The following MYT1L variants were observed in gnomAD, a reference collection of about 807,000 sequenced individuals.
MYT1L encodes the protein myelin transcription factor 1 like, also known as myelin transcription factor 1-like protein.
A neutral mutation model predicts 126.7 loss-of-function variants in MYT1L; 12 were observed. The observed-to-expected ratio is 0.09, with a 90% CI of 0.06 to 0.15. The LOEUF (loss-of-function observed/expected upper bound fraction) is 0.15, where lower values mean the gene tolerates loss of function less well. Ranked by LOEUF, MYT1L falls within the 10% of genes least tolerant of loss-of-function variation. The pLI is 1.00. For missense variants in MYT1L, 979 were observed against 1,585.2 expected (o/e 0.62, Z 6.49); for synonymous variants, 541 against 604.2 (o/e 0.90, Z 1.53).
In MYT1L at chr2:2,315,135, T is replaced by C. The variant is rs1390236876; in HGVS notation, c.-521+15832A>G. 2.0e-5 allele frequency among the ~76,000 whole-genome samples: 3 copies of C among 152,308 alleles called. No individual in the cohort carries two copies. In the East Asian group the frequency reaches 5.8e-4, roughly 29 times the overall value. On this transcript the variant is annotated intron_variant, in intron 1 of 24. Transcript: ENST00000647738. The stretch of plus-strand genomic sequence containing the variant: ...AGAGCACACAGCACTTTTCTGTTAG[T>C]GTGTCAACTGTCCCTGAAAACTTTT...
chr2:1,815,649 C>T (rs1208160604), intron 21 of MYT1L, among the ~76,000 whole-genome samples: 2 of 152,178 alleles, frequency 1.3e-5, no homozygotes, highest in African/African-American at 4.8e-5. Context: ...GGGAGCACCC[C>T]CCTGGGTACA....
At chr2:1,799,778 A>G (rs1383704852) in intron 23 of MYT1L, among the ~76,000 whole-genome samples, 2 of 152,180 alleles carry the variant, frequency 1.3e-5, no homozygotes, top group African/African-American at 4.8e-5. Flanking sequence ...TATAATCCCT[A>G]TAATTCCCAC....
At chr2:2,078,264 G>A (rs1459127040) in intron 3 of MYT1L, among the ~76,000 whole-genome samples, 2 of 152,014 alleles carry the variant, frequency 1.3e-5, no homozygotes, top group East Asian at 3.9e-4. Context: ...GCAAAAATAG[G>A]GAAATAGAGG....
intron 2 of MYT1L, among the ~76,000 whole-genome samples, chr2:2,179,588 T>C (rs2091191566): frequency 6.6e-6 from 1 of 152,188 alleles, no homozygotes; most frequent in Admixed American, 6.5e-5. Context: ...CACAAACACG[T>C]AAAGGAGGTA....
At chr2:2,109,939 A>G (rs2079229552) in intron 3 of MYT1L, among the ~76,000 whole-genome samples, 1 of 138,194 alleles carries the variant, frequency 7.2e-6, no homozygotes, top group Non-Finnish European at 1.5e-5. Context: ...TTCAGAATAA[A>G]TTCGGAGCTA....
intron 9 of MYT1L, among the ~76,000 whole-genome samples, chr2:1,927,926 AAAACC>A (rs58742657): frequency 0.45 from 68,526 of 151,462 alleles, 17,386 homozygotes; most frequent in African/African-American, 0.7. Context: ...ATAAGGAAAA[AAAACC>A]AAACCACATA....
At chr2:2,256,197 G>C (rs1559475166) in intron 2 of MYT1L, among the ~76,000 whole-genome samples, 1 of 152,184 alleles carries the variant, frequency 6.6e-6, no homozygotes, top group African/African-American at 2.4e-5. Flanking sequence ...ATGGCACGCT[G>C]CTCAAAGAGG....
intron 2 of MYT1L, among the ~76,000 whole-genome samples, chr2:2,271,111 T>C (rs1449168279): frequency 6.6e-6 from 1 of 152,184 alleles, no homozygotes; most frequent in Non-Finnish European, 1.5e-5. Context: ...ACGTCTGCAG[T>C]GAAGGGTTCT....
rs2288178 is a variant in MYT1L, at chr2:1,801,658, G to A, written c.3276+38C>T. ...CCATGTATCTCTGGTATAATGGCGC[G>A]TGTTAGAGCTAAAATTGAGGGCTTC... On this transcript the variant is annotated intron_variant, in intron 23 of 24. Coordinates refer to ENST00000647738, the MANE Select transcript of MYT1L (RefSeq NM_001303052.2). This position sits in a 1 kb window ranked among gnomAD's most constrained non-coding sequence, Gnocchi z 4.2. 0.049 allele frequency: 62,805 copies of A among 1,274,804 alleles called. 1,911 individuals carry two copies. The highest frequency in any genetic ancestry group is 0.093 in the South Asian group (7,458 of 80,250). 79.0% of individuals were successfully genotyped at this position (1,274,804 alleles called of 1,614,324 possible).
intron 1 of MYT1L, among the ~76,000 whole-genome samples, chr2:2,294,678 G>C (rs539432072): frequency 6.6e-6 from 1 of 152,302 alleles, no homozygotes; most frequent in African/African-American, 2.4e-5. Context: ...TGGGGAGGCT[G>C]AGGGTATCTA....
intron 5 of MYT1L, among the ~76,000 whole-genome samples, chr2:1,993,235 G>A (rs896447503): frequency 1.3e-5 from 2 of 152,194 alleles, no homozygotes; most frequent in Non-Finnish European, 2.9e-5. Flanking sequence ...AGCAGGCAAG[G>A]TGAACCCCTT....
In MYT1L at chr2:1,801,719, C is replaced by T. The variant is rs1002238903; in HGVS notation, c.3253G>A (p.Asp1085Asn). 16 of 1,610,610 alleles carry T rather than the reference C, an allele frequency of 9.9e-6. No homozygotes were observed. The highest frequency in any genetic ancestry group is 1.4e-5 in the Non-Finnish European group (16 of 1,178,338). ...ACCTGAGTTCTGAGTTTAATCATATCGGCTTCCATCTGGGAATTGGATTCA... is the reference window on the plus strand; with the variant it reads ...ACCTGAGTTCTGAGTTTAATCATATTGGCTTCCATCTGGGAATTGGATTCA... ...LNESNSQMEA[D>N]MIKLRTQITT... Residue 1085 changes from aspartate (D) to asparagine (N), a missense_variant, in exon 23 of 25, where the codon GAT (aspartate) becomes AAT (asparagine). Transcript: ENST00000647738. This position sits in a 1 kb window ranked among gnomAD's most constrained non-coding sequence, Gnocchi z 4.2.
rs1470530309 is a variant in MYT1L, at chr2:1,840,724, C to A, written c.2858+36G>T. ...TGAATGCCTCGTCCCCACATGGCAG[C>A]CCTGCTATGGTTCTCAGCCCCACTG... On this transcript the variant is annotated intron_variant, in intron 20 of 24. Coordinates refer to ENST00000647738, the MANE Select transcript of MYT1L (RefSeq NM_001303052.2). 16 of 1,459,506 alleles carry A rather than the reference C, an allele frequency of 1.1e-5. No homozygotes were observed. The Admixed American group carries it at 3.2e-4, about 29-fold the overall frequency. 90.4% of individuals were successfully genotyped at this position (1,459,506 alleles called of 1,614,324 possible).
rs565614504 is a variant in MYT1L, at chr2:1,864,842, T to A, written c.2712-13139A>T. 2.6e-5 allele frequency among the ~76,000 whole-genome samples: 4 copies of A among 152,298 alleles called. 1 individual carries two copies. Reference sequence around the variant, plus strand: ...CTGAGGAGCCAGCCACATGCCAGGCTCGCAGAGCTGGTGAAGGATGGTGGC... The same window carrying A: ...CTGAGGAGCCAGCCACATGCCAGGCACGCAGAGCTGGTGAAGGATGGTGGC... On this transcript the variant is annotated intron_variant, in intron 18 of 24. Coordinates refer to ENST00000647738, the MANE Select transcript of MYT1L (RefSeq NM_001303052.2).
intron 3 of MYT1L, among the ~76,000 whole-genome samples, chr2:2,150,657 T>C (rs2085609126): frequency 6.6e-6 from 1 of 152,212 alleles, no homozygotes; most frequent in African/African-American, 2.4e-5. Context: ...TCATCTACTC[T>C]TTCTTACACC....
At chr2:1,936,805 G>A (rs900877218) in intron 9 of MYT1L, among the ~76,000 whole-genome samples, 4 of 152,128 alleles carry the variant, frequency 2.6e-5, no homozygotes, top group African/African-American at 9.7e-5. Context: ...CCACACAGCA[G>A]ACCCCTCACC....
chr2:2,080,478 TAAGAA>T lies in MYT1L; in HGVS notation c.-303-26360_-303-26356del, dbSNP rs772136185. ...TATGCAAATAATCCTTACAAAGCAA[TAAGAA>T]AAGACAATACAATTTAATAATGTAC... On this transcript the variant is annotated intron_variant, in intron 3 of 24. Transcript: ENST00000647738. 3.0e-4 allele frequency among the ~76,000 whole-genome samples: 46 copies of T among 152,236 alleles called. No homozygotes were observed. In the South Asian group the frequency reaches 3.1e-3, roughly 10 times the overall value.
chr2:2,175,224 CCT>C (rs1553534308), intron 2 of MYT1L, among the ~76,000 whole-genome samples: 1 of 152,106 alleles, frequency 6.6e-6, no homozygotes, highest in Admixed American at 6.5e-5. Context: ...GCCCACCACC[CCT>C]GTGGGACACA....
intron 8 of MYT1L, among the ~76,000 whole-genome samples, chr2:1,959,379 C>G (rs974831383): frequency 6.6e-6 from 1 of 152,140 alleles, no homozygotes; most frequent in Non-Finnish European, 1.5e-5. Context: ...CTCAGACCGT[C>G]TGGATGTGAA....
Sources: gnomAD v4.1 joint callset for allele counts (sites outside exome capture counted in the v4.1 genomes callset) on GRCh38, gnomAD v4.1.1 for gene constraint, Gnocchi (gnomAD v3.1) non-coding constraint, MANE v1.5 for transcripts, NCBI Gene and HGNC (gene_info 2026-07-23, HGNC 2026-07-21) for gene names.